The following ROBO1 variants were observed in gnomAD, a reference collection of about 807,000 sequenced individuals.
ROBO1 encodes the protein roundabout homolog 1.
In ROBO1, 149 loss-of-function variants were observed where a neutral mutation model predicts 195.9. The ratio of observed to expected loss-of-function variants is 0.76; its 90% CI spans 0.67 to 0.87. The LOEUF is 0.87. ROBO1 is among the 40% of genes least tolerant of loss of function. The probability of loss-of-function intolerance (pLI) is 0.00; values close to 1 mark genes in which losing one functional copy is unlikely to be tolerated. For synonymous variants in ROBO1, 816 were observed against 733.2 expected (o/e 1.11, Z -1.82); for missense variants, 1,933 against 2,068.3 (o/e 0.93, Z 1.27).
At chr3:79,327,798 A>T (rs1257796635) in intron 2 of ROBO1, among the ~76,000 whole-genome samples, 1 of 152,146 alleles carries the variant, frequency 6.6e-6, no homozygotes, top group Admixed American at 6.6e-5. Flanking sequence ...GGAATGATGC[A>T]TATGACAGCC....
At chr3:79,493,861 A>C (rs1427372837) in intron 2 of ROBO1, among the ~76,000 whole-genome samples, 1 of 152,186 alleles carries the variant, frequency 6.6e-6, no homozygotes, top group African/African-American at 2.4e-5. Flanking sequence ...TTCCAGTGAT[A>C]CTGCCTCAGT....
At chr3:79,192,186 C>T (rs1191890986) in intron 2 of ROBO1, among the ~76,000 whole-genome samples, 2 of 151,580 alleles carry the variant, frequency 1.3e-5, no homozygotes, top group Non-Finnish European at 3.0e-5. Context: ...AATCTTTATG[C>T]TGCTAAATGG....
chr3:79,764,538 G>A (rs1404694798), intron 1 of ROBO1, among the ~76,000 whole-genome samples: 1 of 152,192 alleles, frequency 6.6e-6, no homozygotes, highest in African/African-American at 2.4e-5. Context: ...GCTGCCAGGG[G>A]CTTACTTTAC....
At chr3:79,733,947 C>T (rs1703264346) in intron 1 of ROBO1, among the ~76,000 whole-genome samples, 2 of 144,666 alleles carry the variant, frequency 1.4e-5, no homozygotes, top group Non-Finnish European at 3.0e-5. Flanking sequence ...ATACAATCCT[C>T]CCATCTTTTT....
intron 2 of ROBO1, among the ~76,000 whole-genome samples, chr3:79,498,787 G>C (rs1157227103): frequency 6.6e-6 from 1 of 152,024 alleles, no homozygotes; most frequent in South Asian, 2.1e-4. Context: ...CCGGGAGGCA[G>C]AGGTTGCAGT....
intron 4 of ROBO1, among the ~76,000 whole-genome samples, chr3:78,832,434 C>T (rs2032310269): frequency 1.3e-5 from 2 of 152,272 alleles, no homozygotes; most frequent in South Asian, 2.1e-4. Flanking sequence ...TATCTTACTC[C>T]TTTTCCTTTA....
chr3:78,614,214 C>G (rs971222839), intron 28 of ROBO1, among the ~76,000 whole-genome samples: 4 of 152,070 alleles, frequency 2.6e-5, no homozygotes, highest in African/African-American at 9.7e-5. Context: ...TTCGTAACAC[C>G]ACTGTTGTTA....
intron 2 of ROBO1, among the ~76,000 whole-genome samples, chr3:79,486,880 C>T (rs1939186995): frequency 6.6e-6 from 1 of 152,158 alleles, no homozygotes; most frequent in Non-Finnish European, 1.5e-5. Context: ...CCCCTCTCTA[C>T]TAGGAAGGAC....
chr3:78,880,450 C>G (rs329805), intron 4 of ROBO1, among the ~76,000 whole-genome samples: 48,923 of 151,686 alleles, frequency 0.32, 8,017 homozygotes, highest in Middle Eastern at 0.36. Context: ...AATAGGGTAA[C>G]TTTTTGTCCT....
At chr3:79,081,599 A>T (rs1425147235) in intron 3 of ROBO1, among the ~76,000 whole-genome samples, 9 of 152,190 alleles carry the variant, frequency 5.9e-5, no homozygotes, top group South Asian at 2.1e-4. Flanking sequence ...ATATGCTGGT[A>T]ACAACTTTCT....
At chr3:78,789,863 G>A (rs1331990374) in intron 4 of ROBO1, among the ~76,000 whole-genome samples, 2 of 152,102 alleles carry the variant, frequency 1.3e-5, no homozygotes, top group African/African-American at 4.8e-5. Flanking sequence ...ATCATTTTCA[G>A]CCACCACCTT....
At chr3:78,823,864 A>T (rs1258743391) in intron 4 of ROBO1, among the ~76,000 whole-genome samples, 1 of 151,594 alleles carries the variant, frequency 6.6e-6, no homozygotes, top group Non-Finnish European at 1.5e-5. Context: ...TTTTTTCTCA[A>T]ATTTTGTCAC....
At chr3:78,772,065 A>AT (rs2083389801) in intron 4 of ROBO1, among the ~76,000 whole-genome samples, 1 of 152,172 alleles carries the variant, frequency 6.6e-6, no homozygotes, top group African/African-American at 2.4e-5. Flanking sequence ...CAAAAACCAT[A>AT]TACAAACAGA....
intron 10 of ROBO1, among the ~76,000 whole-genome samples, chr3:78,681,792 C>CT (rs1559740355): frequency 6.6e-6 from 1 of 152,132 alleles, no homozygotes; most frequent in African/African-American, 2.4e-5. Flanking sequence ...GTCCCAGCTA[C>CT]TCGAGAGGCT....
At chr3:78,674,742 T>G (rs966161920) in intron 10 of ROBO1, among the ~76,000 whole-genome samples, 1 of 152,232 alleles carries the variant, frequency 6.6e-6, no homozygotes, top group African/African-American at 2.4e-5. Context: ...GTCATGTCAG[T>G]TGGCACATGA....
chr3:78,799,593 G>C (rs1196883963), intron 4 of ROBO1, among the ~76,000 whole-genome samples: 1 of 151,844 alleles, frequency 6.6e-6, no homozygotes, highest in Non-Finnish European at 1.5e-5. Flanking sequence ...CACCCACCTT[G>C]GCCTCCCAAA....
At chr3:79,369,599 T>C (rs540195000) in intron 2 of ROBO1, among the ~76,000 whole-genome samples, 1 of 152,256 alleles carries the variant, frequency 6.6e-6, no homozygotes, top group South Asian at 2.1e-4. Flanking sequence ...AGTCTCTTAT[T>C]GAAAGGTTAG....
At chr3:79,385,977 T>C (rs1406447890) in intron 2 of ROBO1, among the ~76,000 whole-genome samples, 1 of 152,176 alleles carries the variant, frequency 6.6e-6, no homozygotes, top group Non-Finnish European at 1.5e-5. Flanking sequence ...TTAAATTCAA[T>C]CTGAATTTTT....
chr3:79,234,031 C>A (rs948835572), intron 2 of ROBO1, among the ~76,000 whole-genome samples: 1 of 136,856 alleles, frequency 7.3e-6, no homozygotes, highest in African/African-American at 3.1e-5. Flanking sequence ...CGTTTTAATG[C>A]AGTTGTTTTT....
Sources: allele counts gnomAD v4.1 joint callset (sites outside exome capture counted in the v4.1 genomes callset), GRCh38; gene constraint gnomAD v4.1.1; transcripts MANE v1.5; gene names NCBI Gene and HGNC (gene_info 2026-07-23, HGNC 2026-07-21).